The following SPATA17 variants were observed in gnomAD, a reference collection of about 807,000 sequenced individuals.
SPATA17 encodes spermatogenesis associated 17.
A neutral mutation model predicts 62.2 loss-of-function variants in SPATA17; 53 were observed. The observed-to-expected ratio is 0.85, with a 90% CI of 0.68 to 1.07. SPATA17 has a LOEUF of 1.07. Among genes scored for constraint, SPATA17 ranks in the 50% least tolerant of loss-of-function variants. SPATA17 has a pLI of 0.00. For synonymous variants in SPATA17, 146 were observed against 146.8 expected (o/e 0.99, Z 0.04); for missense variants, 466 against 425.5 (o/e 1.10, Z -0.84).
chr1:217,640,266 A>T (rs1670030157), intron 1 of SPATA17, among the ~76,000 whole-genome samples: 1 of 152,064 alleles, frequency 6.6e-6, no homozygotes. Flanking sequence ...AGCAAATCAA[A>T]GGCATAAAAA....
intron 5 of SPATA17, among the ~76,000 whole-genome samples, chr1:217,699,584 T>C (rs1671545582): frequency 6.6e-6 from 1 of 152,220 alleles, no homozygotes; most frequent in Non-Finnish European, 1.5e-5. Flanking sequence ...TGGGAGTTTT[T>C]AAAAATGTAT....
intron 9 of SPATA17, among the ~76,000 whole-genome samples, chr1:217,850,892 A>C (rs941700326): frequency 6.6e-6 from 1 of 152,140 alleles, no homozygotes; most frequent in African/African-American, 2.4e-5. Context: ...TGCAAAACAA[A>C]AAAAATATAA....
intron 6 of SPATA17, among the ~76,000 whole-genome samples, chr1:217,771,278 G>C (rs1673439245): frequency 6.6e-6 from 1 of 151,294 alleles, no homozygotes; most frequent in Non-Finnish European, 1.5e-5. Context: ...GGTCACTCTA[G>C]AAAATTATTG....
intron 1 of SPATA17, among the ~76,000 whole-genome samples, chr1:217,633,310 T>C (rs1669862826): frequency 6.6e-6 from 1 of 152,148 alleles, no homozygotes; most frequent in Non-Finnish European, 1.5e-5. Context: ...TATGAGGGAT[T>C]GCACCAGGAA....
chr1:217,731,908 G>A (rs1672409436), intron 5 of SPATA17, among the ~76,000 whole-genome samples: 1 of 152,088 alleles, frequency 6.6e-6, no homozygotes, highest in Non-Finnish European at 1.5e-5. Context: ...AAATTGTGTA[G>A]TGATAACCTA....
rs542890855 is a variant in SPATA17, at chr1:217,651,225, C to T, written c.240+47C>T. 1.1e-4 allele frequency: 149 copies of T among 1,372,010 alleles called. No homozygotes were observed. In the East Asian group the frequency reaches 3.0e-3, roughly 28 times the overall value. The allele number at this position is 1,372,010 out of a possible 1,614,324, so 85.0% of individuals were successfully genotyped here. A position where few individuals can be genotyped will look rare whatever the true frequency, so the allele number is the denominator to read the frequency against. On this transcript the variant is annotated intron_variant, in intron 3 of 10. Transcript: ENST00000366933. ...GTTAGCATTTGAATTGTACAATATG[C>T]TGTAACTTACTCACTTTAGTCATAT...
At chr1:217,793,088 T>C (rs1332188706) in intron 8 of SPATA17, among the ~76,000 whole-genome samples, 2 of 152,108 alleles carry the variant, frequency 1.3e-5, no homozygotes, top group Non-Finnish European at 2.9e-5. Context: ...TGTATTGAGA[T>C]AAAGATTTAG....
chr1:217,684,153 T>C (rs1671164842), intron 5 of SPATA17, among the ~76,000 whole-genome samples: 1 of 152,164 alleles, frequency 6.6e-6, no homozygotes, highest in Non-Finnish European at 1.5e-5. Context: ...ATTTAGGATA[T>C]GGGATATGTA....
At chr1:217,742,159 T>G in intron 6 of SPATA17, 61 bp downstream of exon 6, 1 of 1,586,626 alleles carries the variant, frequency 6.3e-7, no homozygotes, top group Non-Finnish European at 8.6e-7. Flanking sequence ...CTGACAAAGA[T>G]AAACTAGCAG....
At chr1:217,722,569 G>A (rs533480973) in intron 5 of SPATA17, among the ~76,000 whole-genome samples, 11 of 152,176 alleles carry the variant, frequency 7.2e-5, no homozygotes, top group African/African-American at 2.6e-4. Flanking sequence ...TTTAATATGT[G>A]TTTTTGTGAG....
intron 9 of SPATA17, among the ~76,000 whole-genome samples, chr1:217,814,692 T>C (rs1006312674): frequency 1.3e-5 from 2 of 151,754 alleles, no homozygotes; most frequent in Admixed American, 6.6e-5. Flanking sequence ...CGCAAAAAAA[T>C]TAAAAATTAT....
chr1:217,850,029 T>A (rs2103010971), intron 9 of SPATA17, among the ~76,000 whole-genome samples: 1 of 152,200 alleles, frequency 6.6e-6, no homozygotes, highest in Middle Eastern at 3.4e-3. Flanking sequence ...TCTGCTGGTT[T>A]CACTGAATAT....
intron 6 of SPATA17, among the ~76,000 whole-genome samples, chr1:217,744,677 A>G (rs1165055590): frequency 1.3e-5 from 2 of 152,142 alleles, no homozygotes. Flanking sequence ...CCTAGTCTCC[A>G]AAACTCCTTG....
At chr1:217,831,580 A>T (rs932942647) in intron 9 of SPATA17, among the ~76,000 whole-genome samples, 20 of 152,218 alleles carry the variant, frequency 1.3e-4, no homozygotes, top group Non-Finnish European at 1.6e-4. Context: ...ATCCCTTTAT[A>T]AAAAGGCCTA....
intron 4 of SPATA17, among the ~76,000 whole-genome samples, chr1:217,677,369 A>G (rs1270988830): frequency 6.6e-6 from 1 of 152,072 alleles, no homozygotes; most frequent in Non-Finnish European, 1.5e-5. Context: ...GATTCGTCTC[A>G]ATCCCTTAAA....
intron 7 of SPATA17, among the ~76,000 whole-genome samples, chr1:217,775,501 A>G (rs1334722411): frequency 2.0e-5 from 3 of 151,976 alleles, no homozygotes; most frequent in Non-Finnish European, 4.4e-5. Context: ...TCAAGAGATC[A>G]AGACCATCCT....
rs1356380952 is a variant in SPATA17 at position 217,868,796 on chromosome 1, C to T, written c.*1777C>T. 6.6e-6 allele frequency: 1 copy of T among 151,346 alleles called. No individual in the cohort carries two copies. The highest frequency in any genetic ancestry group is 1.5e-5 in the Non-Finnish European group (1 of 67,980). The allele number at this position is 151,346 out of a possible 1,614,324, so 9.4% of individuals were successfully genotyped here. Reference sequence around the variant, plus strand: ...CCAGGCTCAAGCAGTCCTCCCATCTCAGCCTCCCAAGTAGCTGGGACCACA... The same window carrying T: ...CCAGGCTCAAGCAGTCCTCCCATCTTAGCCTCCCAAGTAGCTGGGACCACA... On this transcript the variant is annotated 3_prime_UTR_variant, in exon 11 of 11. Transcript: ENST00000366933.
intron 8 of SPATA17, among the ~76,000 whole-genome samples, chr1:217,785,637 A>G (rs1162292787): frequency 1.3e-5 from 2 of 152,162 alleles, no homozygotes; most frequent in Non-Finnish European, 2.9e-5. Flanking sequence ...GAGTCAAACT[A>G]TATCAGACCC....
At chr1:217,756,098 C>T (rs779836737) in intron 6 of SPATA17, among the ~76,000 whole-genome samples, 16 of 152,072 alleles carry the variant, frequency 1.1e-4, no homozygotes, top group Non-Finnish European at 2.1e-4. Flanking sequence ...AAAGTAGGCT[C>T]ACAAGTAATA....
Sources: allele counts gnomAD v4.1 joint callset (sites outside exome capture counted in the v4.1 genomes callset), GRCh38; gene constraint gnomAD v4.1.1; transcripts MANE v1.5; gene names NCBI Gene and HGNC (gene_info 2026-07-23, HGNC 2026-07-21).